The following MTF1 variants were observed in gnomAD, a reference collection of about 807,000 sequenced individuals.
MTF1 encodes metal regulatory transcription factor 1.
Under a neutral mutation model 70.4 loss-of-function variants are expected in MTF1, and 22 were observed. The observed-to-expected ratio is 0.31, with a 90% CI of 0.22 to 0.45. MTF1 has a LOEUF of 0.45. Among genes scored for constraint, MTF1 ranks in the 20% least tolerant of loss-of-function variants. The pLI is 1.00. For missense variants in MTF1, 649 were observed against 922.0 expected, an observed-to-expected ratio of 0.70 and a Z score of 3.83; for synonymous variants, 333 against 352.8, an observed-to-expected ratio of 0.94 and a Z score of 0.63.
chr1:37,857,698 G>A lies in MTF1; in HGVS notation c.-40C>T, dbSNP rs752159055. On this transcript the variant is annotated 5_prime_UTR_variant, in exon 2 of 11. In the 5' UTR this introduces an upstream ATG that the reference lacks. Coordinates refer to ENST00000373036, the MANE Select transcript of MTF1 (RefSeq NM_005955.3). ...CAGCCCAGTTGTGAGAAATGAAAAC[G>A]TAATGACTTGTCTGCAACAGAACAA... 26 of 1,590,524 alleles carry A rather than the reference G, an allele frequency of 1.6e-5. No homozygotes were observed. The highest frequency in any genetic ancestry group is 2.1e-5 in the Non-Finnish European group (25 of 1,165,204).
At chr1:37,825,226 G>A (rs1048819360) in intron 7 of MTF1, among the ~76,000 whole-genome samples, 2 of 152,036 alleles carry the variant, frequency 1.3e-5, no homozygotes, top group African/African-American at 4.8e-5. Flanking sequence ...GAACTCAAGT[G>A]GCAAAATTTT....
intron 7 of MTF1, among the ~76,000 whole-genome samples, chr1:37,829,383 C>T (rs1641050321): frequency 6.6e-6 from 1 of 152,118 alleles, no homozygotes; most frequent in Admixed American, 6.5e-5. Flanking sequence ...CCAGACTGGT[C>T]TCAAACTCCT....
At chr1:37,843,419 C>T (rs1051935731) in intron 2 of MTF1, among the ~76,000 whole-genome samples, 3 of 151,984 alleles carry the variant, frequency 2.0e-5, no homozygotes, top group African/African-American at 4.8e-5. Context: ...TTTAAAAGCC[C>T]GGGAGGAGGG....
chr1:37,823,418 G>A lies in MTF1; in HGVS notation c.1171+292C>T, dbSNP rs558458474. ...GATCACACCACCGCACTCCCATCTG[G>A]GTGACAAAATGAGACGCTGTCTCAA... On this transcript the variant is annotated intron_variant, in intron 8 of 10. Coordinates refer to ENST00000373036, the MANE Select transcript of MTF1 (RefSeq NM_005955.3). Among the ~76,000 whole-genome samples the A allele has an allele frequency of 3.4e-5, 5 of 148,696 alleles. No individual in the cohort carries two copies. The South Asian group carries it at 1.1e-3, about 33-fold the overall frequency.
chr1:37,817,571 C>A lies in MTF1; in HGVS notation c.1768-89G>T. 5.7e-6 allele frequency: 5 copies of A among 878,200 alleles called. No individual in the cohort carries two copies. The East Asian group carries it at 1.2e-4, about 21-fold the overall frequency. 54.4% of individuals were successfully genotyped at this position (878,200 alleles called of 1,614,324 possible). A position where few individuals can be genotyped will look rare whatever the true frequency, so the allele number is the denominator to read the frequency against. On this transcript the variant is annotated intron_variant, in intron 9 of 10. Coordinates refer to ENST00000373036, the MANE Select transcript of MTF1 (RefSeq NM_005955.3). ...AAGCCTCACCAACTGTAATGGTCATCCAAGAAGACAGAAAACCCTTAGTGT... is the reference window on the plus strand; with the variant it reads ...AAGCCTCACCAACTGTAATGGTCATACAAGAAGACAGAAAACCCTTAGTGT...
chr1:37,817,741 A>G (rs988484913), intron 9 of MTF1, among the ~76,000 whole-genome samples: 13 of 152,332 alleles, frequency 8.5e-5, no homozygotes, highest in African/African-American at 2.2e-4. Context: ...TAGGTTCTGT[A>G]TCCAAAGGCT....
intron 1 of MTF1, 26 bp from the exon 2 acceptor site, chr1:37,857,735 G>A: frequency 6.8e-7 from 1 of 1,463,912 alleles, no homozygotes; most frequent in Non-Finnish European, 9.4e-7. Flanking sequence ...GCCAGAGTTA[G>A]AGTCATACCA....
At chr1:37,819,349 G>A (rs967590766) in intron 9 of MTF1, among the ~76,000 whole-genome samples, 14 of 152,174 alleles carry the variant, frequency 9.2e-5, no homozygotes, top group African/African-American at 2.2e-4. Context: ...AAGACCGGGC[G>A]CGGTGGCTCA....
At chr1:37,831,881 G>A (rs993379134) in intron 7 of MTF1, among the ~76,000 whole-genome samples, 9 of 152,162 alleles carry the variant, frequency 5.9e-5, no homozygotes, top group African/African-American at 2.2e-4. Context: ...TAGAATTCTG[G>A]TTATGTCTTA....
chr1:37,849,429 TA>T (rs770838483), intron 2 of MTF1, among the ~76,000 whole-genome samples: 2,001 of 140,296 alleles, frequency 0.014, 13 homozygotes, highest in African/African-American at 0.017. Flanking sequence ...TCACCTCAAT[TA>T]AAAAAAAAAA....
In MTF1 at chr1:37,815,149, C is replaced by A. The variant is rs1310922527; in HGVS notation, c.2249G>T (p.Ser750Ile). Residue 750 changes from serine to isoleucine, a missense_variant, in exon 11 of 11, where the codon AGC becomes ATC. Ser to Ile is a moderately radical substitution (Grantham distance 142). Coordinates refer to ENST00000373036, the MANE Select transcript of MTF1 (RefSeq NM_005955.3). The surrounding 1 kb of genome is among the most constrained non-coding windows in gnomAD (Gnocchi z 4.5). Reference protein sequence around the residue: ...QGEEEMGLTSSFSK With the variant: ...QGEEEMGLTSIFSK ...CACATGGGCCCTTCACTTGGAGAAG[C>A]TGCTGGTGAGGCCCATCTCCTCCTC... 6.2e-7 allele frequency: 1 copy of A among 1,614,036 alleles called. No homozygotes were observed. Among genetic ancestry groups the A allele is most frequent in the Admixed American group, 1.7e-5 (1 of 60,022 alleles).
chr1:37,820,855 A>G (rs1471160825), intron 9 of MTF1, among the ~76,000 whole-genome samples: 1 of 152,176 alleles, frequency 6.6e-6, no homozygotes, highest in Non-Finnish European at 1.5e-5. Flanking sequence ...GGGGAAAAAA[A>G]CAAGATGATA....
intron 6 of MTF1, chr1:37,834,530 T>C: frequency 6.2e-6 from 2 of 320,486 alleles, no homozygotes; most frequent in Admixed American, 7.2e-5. Flanking sequence ...AGGACAGACA[T>C]TATCTGCTTT....
chr1:37,833,111 T>C (rs1027020286), intron 6 of MTF1, among the ~76,000 whole-genome samples: 22 of 152,190 alleles, frequency 1.4e-4, no homozygotes, highest in African/African-American at 5.1e-4. Context: ...ACTATCTGTA[T>C]ACCTGGTCTC....
rs536398066 is a variant in MTF1, at chr1:37,855,601, A to G, written c.408+1650T>C. On this transcript the variant is annotated intron_variant, in intron 2 of 10. Coordinates refer to ENST00000373036, the MANE Select transcript of MTF1 (RefSeq NM_005955.3). Reference sequence around the variant, plus strand: ...ATCATTCACCCTATTTCTGTTTGGTAACATCTTAGTCCTTGGTACTGTAAC... The same window carrying G: ...ATCATTCACCCTATTTCTGTTTGGTGACATCTTAGTCCTTGGTACTGTAAC... Among the ~76,000 whole-genome samples, 5 of 152,306 alleles carry G rather than the reference A, an allele frequency of 3.3e-5. No individual in the cohort carries two copies. The South Asian group carries it at 1.0e-3, about 32-fold the overall frequency.
rs1423221762 is a variant in MTF1 at position 37,813,472 on chromosome 1, CAAT to C, written c.*1661_*1663del. ...GGCTCCAAGGTAAATTATCTGTTCT[CAAT>C]AATATCTTGGCTGGCCCTGAGCAAT... On this transcript the variant is annotated 3_prime_UTR_variant, in exon 11 of 11. Coordinates refer to ENST00000373036, the MANE Select transcript of MTF1 (RefSeq NM_005955.3). 1 of 152,266 alleles carries C rather than the reference CAAT, an allele frequency of 6.6e-6. No individual in the cohort carries two copies. The highest frequency in any genetic ancestry group is 1.5e-5 in the Non-Finnish European group (1 of 68,074). 9.4% of individuals were successfully genotyped at this position (152,266 alleles called of 1,614,324 possible).
rs981178916 is a variant in MTF1 at position 37,814,953 on chromosome 1, T to C, written c.*183A>G. 12 of 586,148 alleles carry C rather than the reference T, an allele frequency of 2.0e-5. No homozygotes were observed. The African/African-American group carries it at 2.2e-4, about 11-fold the overall frequency. The allele number at this position is 586,148 out of a possible 1,614,324, so 36.3% of individuals were successfully genotyped here. A position where few individuals can be genotyped will look rare whatever the true frequency, so the allele number is the denominator to read the frequency against. On this transcript the variant is annotated 3_prime_UTR_variant, in exon 11 of 11. Coordinates refer to ENST00000373036, the MANE Select transcript of MTF1 (RefSeq NM_005955.3). ...TTGTTTTTTTTGTTTTTTGTTTTTT[T>C]CCAAAGAATAGTTCCTTAAAATGGA...
intron 10 of MTF1, among the ~76,000 whole-genome samples, chr1:37,816,567 T>G (rs1640821179): frequency 6.8e-6 from 1 of 147,984 alleles, no homozygotes; most frequent in Non-Finnish European, 1.5e-5. Flanking sequence ...CCCAGCTACT[T>G]GGGAGACTGA....
At chr1:37,829,649 G>T (rs1243676595) in intron 7 of MTF1, among the ~76,000 whole-genome samples, 3 of 152,070 alleles carry the variant, frequency 2.0e-5, no homozygotes, top group Non-Finnish European at 4.4e-5. Context: ...GCCAGGCATG[G>T]TGGCGGGCGC....
Sources: gnomAD v4.1 joint callset for allele counts (sites outside exome capture counted in the v4.1 genomes callset) on GRCh38, gnomAD v4.1.1 for gene constraint, Gnocchi (gnomAD v3.1) non-coding constraint, MANE v1.5 for transcripts, NCBI Gene and HGNC (gene_info 2026-07-23, HGNC 2026-07-21) for gene names.